PARD3B: variants seen among roughly 807,000 people sequenced by gnomAD.
PARD3B encodes the protein partitioning defective 3 homolog B.
A neutral mutation model predicts 130.2 loss-of-function variants in PARD3B; 103 were observed. That is an observed-to-expected ratio of 0.79 (90% CI 0.67 to 0.93). The LOEUF is 0.93. Among genes scored for constraint, PARD3B ranks in the 40% least tolerant of loss-of-function variants. The probability of loss-of-function intolerance (pLI) is 0.00; values close to 1 mark genes in which losing one functional copy is unlikely to be tolerated. For synonymous variants in PARD3B, 583 were observed against 553.2 expected (o/e 1.05, Z -0.76); for missense variants, 1,609 against 1,499.2 (o/e 1.07, Z -1.21).
At chr2:205,344,495 C>T (rs2043674800) in intron 18 of PARD3B, among the ~76,000 whole-genome samples, 1 of 152,158 alleles carries the variant, frequency 6.6e-6, no homozygotes, top group Non-Finnish European at 1.5e-5. Context: ...ATGACATCAA[C>T]TCCTTGGCAT....
Position 205,275,321 on chromosome 2 carries a change from C to T in PARD3B, c.2186-25209C>T, listed in dbSNP as rs112957448. On this transcript the variant is annotated intron_variant, in intron 16 of 22. Transcript: ENST00000406610. ...AGATAATGAAAAGAGAAATTAGTCT[C>T]TGAAAAGCACATTCTTATGAGGTCA... Among the ~76,000 whole-genome samples, 578 of 152,134 alleles carry T rather than the reference C, an allele frequency of 3.8e-3. 4 individuals are homozygous for T. Among genetic ancestry groups the T allele is most frequent in the Admixed American group, 7.1e-3 (108 of 15,274 alleles).
chr2:205,176,531 T>A lies in PARD3B; in HGVS notation c.1878T>A (p.Ser626Arg), dbSNP rs768764976. The A allele has an allele frequency of 1.9e-6, 3 of 1,612,586 alleles. No individual in the cohort carries two copies. The Admixed American group carries it at 5.0e-5, about 27-fold the overall frequency. The change falls in exon 13 of 23, where the codon AGT (serine) becomes AGA (arginine). Residue 626 changes from serine (S) to arginine (R), a missense_variant. Physicochemically the swap from Ser to Arg is moderately radical, Grantham distance 110 (BLOSUM62 -1). Coordinates refer to ENST00000406610, the MANE Select transcript of PARD3B (RefSeq NM_001302769.2). This position sits in a 1 kb window ranked among gnomAD's most constrained non-coding sequence, Gnocchi z 5.3. ...CCACCTCTAGGCGAAATGATAATAG[T>A]ATCCTGCATCCACTTGGCACTTGCA... The part of the protein sequence containing the change: ...AVTTSRRNDN[S>R]ILHPLGTCSP...
intron 1 of PARD3B, among the ~76,000 whole-genome samples, chr2:204,591,442 A>G (rs2033070111): frequency 1.3e-5 from 2 of 152,202 alleles, no homozygotes. Context: ...TGCATGCCTG[A>G]TGTTCCTTTA....
chr2:204,868,236 T>C (rs1424972851), intron 2 of PARD3B, among the ~76,000 whole-genome samples: 2 of 152,208 alleles, frequency 1.3e-5, no homozygotes, highest in African/African-American at 4.8e-5. Context: ...ATGCCTGTTA[T>C]TTGTTATTGA....
chr2:205,122,464 C>A lies in PARD3B; in HGVS notation c.1165+515C>A, dbSNP rs1174552362. ...ATTTCAAAAGCATGTATAATATTTT[C>A]TTTCTTCATCTTTTTCAACTTTTCT... On this transcript the variant is annotated intron_variant, in intron 8 of 22. Transcript: ENST00000406610. The surrounding 1 kb of genome is among the most constrained non-coding windows in gnomAD (Gnocchi z 4.3). 1.3e-5 allele frequency among the ~76,000 whole-genome samples: 2 copies of A among 152,190 alleles called. No homozygotes were observed. Among genetic ancestry groups the A allele is most frequent in the African/African-American group, 4.8e-5 (2 of 41,456 alleles).
At chr2:204,705,346 A>G (rs1353885618) in intron 2 of PARD3B, among the ~76,000 whole-genome samples, 1 of 152,202 alleles carries the variant, frequency 6.6e-6, no homozygotes, top group African/African-American at 2.4e-5. Context: ...ATGCTTGGTA[A>G]TGGCTATAAA....
intron 4 of PARD3B, among the ~76,000 whole-genome samples, chr2:205,100,223 G>A (rs1306733413): frequency 1.3e-5 from 2 of 152,116 alleles, no homozygotes; most frequent in Non-Finnish European, 2.9e-5. Flanking sequence ...TCCATTTAGA[G>A]TATGGTGCAG....
chr2:205,445,099 G>A (rs756104451), intron 20 of PARD3B, among the ~76,000 whole-genome samples: 2 of 152,158 alleles, frequency 1.3e-5, no homozygotes, highest in African/African-American at 2.4e-5. Flanking sequence ...GCTAACAAGA[G>A]AATTCAGAGA....
rs959865182 is a variant in PARD3B at position 204,673,374 on chromosome 2, C to T, written c.121-12807C>T. On this transcript the variant is annotated intron_variant, in intron 1 of 22. Coordinates refer to ENST00000406610, the MANE Select transcript of PARD3B (RefSeq NM_001302769.2). The surrounding 1 kb of genome is among the most constrained non-coding windows in gnomAD (Gnocchi z 4.7). Reference sequence around the variant, plus strand: ...TGTAGAGTGGAATAAAAAATTTACTCAGTGTGGTGCAAGATACTCTTGGCA... The same window carrying T: ...TGTAGAGTGGAATAAAAAATTTACTTAGTGTGGTGCAAGATACTCTTGGCA... Among the ~76,000 whole-genome samples, 6 of 152,134 alleles carry T rather than the reference C, an allele frequency of 3.9e-5. No individual in the cohort carries two copies. The highest frequency in any genetic ancestry group is 3.3e-4 in the Admixed American group (5 of 15,274).
At chr2:204,836,991 C>G (rs2044059114) in intron 2 of PARD3B, among the ~76,000 whole-genome samples, 1 of 152,106 alleles carries the variant, frequency 6.6e-6, no homozygotes, top group Admixed American at 6.5e-5. Context: ...AATGCAAGGC[C>G]TCTACAGAAA....
intron 20 of PARD3B, chr2:205,482,635 A>G (rs6735804): frequency 0.083 from 12,620 of 152,122 alleles, 727 homozygotes; most frequent in East Asian, 0.18. Flanking sequence ...TTGTATATCC[A>G]CACCTGTGCT....
chr2:205,354,493 A>C (rs1187621726), intron 18 of PARD3B, among the ~76,000 whole-genome samples: 1 of 151,930 alleles, frequency 6.6e-6, no homozygotes, highest in Non-Finnish European at 1.5e-5. Flanking sequence ...AATTAAAAAA[A>C]ATCTTTTTAG....
intron 10 of PARD3B, among the ~76,000 whole-genome samples, chr2:205,145,968 T>C (rs1353805325): frequency 6.6e-6 from 1 of 152,142 alleles, no homozygotes; most frequent in Non-Finnish European, 1.5e-5. Flanking sequence ...GTTGCCTTCG[T>C]TGGTTTCTGA....
chr2:204,867,143 G>T (rs1000898572), intron 2 of PARD3B, among the ~76,000 whole-genome samples: 6 of 152,060 alleles, frequency 3.9e-5, no homozygotes, highest in Non-Finnish European at 5.9e-5. Context: ...ACTTGGTAAA[G>T]CATTTGTTGA....
In PARD3B at chr2:205,258,594, T is replaced by C. The variant is rs1279797825; in HGVS notation, c.2185+12772T>C. ...GTGAGCTTCATGAAGGCAGAGACTT[T>C]GTATCCCCAGTTCCAAAAGCAGTGT... is the stretch of plus-strand genomic sequence containing the variant. On this transcript the variant is annotated intron_variant, in intron 16 of 22. Coordinates refer to ENST00000406610, the MANE Select transcript of PARD3B (RefSeq NM_001302769.2). This position sits in a 1 kb window ranked among gnomAD's most constrained non-coding sequence, Gnocchi z 4.9. Among the ~76,000 whole-genome samples the C allele has an allele frequency of 6.6e-6, 1 of 152,206 alleles. No individual in the cohort carries two copies.
chr2:205,068,914 T>A (rs1700552862), intron 4 of PARD3B, among the ~76,000 whole-genome samples: 1 of 152,294 alleles, frequency 6.6e-6, no homozygotes, highest in South Asian at 2.1e-4. Flanking sequence ...TTTGTGGTGA[T>A]ATTTTGTGAT....
intron 1 of PARD3B, among the ~76,000 whole-genome samples, chr2:204,616,450 C>T (rs2034116596): frequency 6.6e-6 from 1 of 152,080 alleles, no homozygotes; most frequent in Non-Finnish European, 1.5e-5. Context: ...GTGGCCAAGA[C>T]CCAGGACACT....
At chr2:204,745,566 C>T (rs2125373473) in intron 2 of PARD3B, among the ~76,000 whole-genome samples, 2 of 152,126 alleles carry the variant, frequency 1.3e-5, no homozygotes, top group South Asian at 4.2e-4. Flanking sequence ...CCACACCTGG[C>T]TAATCTTTGT....
rs1559205852 is a variant in PARD3B, at chr2:205,550,262, CT to C, written c.3181-3059del. On this transcript the variant is annotated intron_variant, in intron 21 of 22. Transcript: ENST00000406610. This position sits in a 1 kb window ranked among gnomAD's most constrained non-coding sequence, Gnocchi z 4.5. ...GCTGTCTTCAACTCTCCCAGGTGGA[CT>C]TTGGAATTTCTTCCTGCGGACTCCC... Among the ~76,000 whole-genome samples, 1 of 152,146 alleles carries C rather than the reference CT, an allele frequency of 6.6e-6. No individual in the cohort carries two copies.
Sources: gnomAD v4.1 joint callset for allele counts (sites outside exome capture counted in the v4.1 genomes callset) on GRCh38, gnomAD v4.1.1 for gene constraint, Gnocchi (gnomAD v3.1) non-coding constraint, MANE v1.5 for transcripts, NCBI Gene and HGNC (gene_info 2026-07-23, HGNC 2026-07-21) for gene names.